Variants in PAQR5 observed in about 807,000 individuals in gnomAD.
PAQR5 encodes progestin and adipoQ receptor family member 5, also known as membrane progestin receptor gamma.
PAQR5 carries 20 observed loss-of-function variants against 34.5 expected under a neutral mutation model. That is an observed-to-expected ratio of 0.58 (90% CI 0.41 to 0.84). The LOEUF is 0.84. Ranked by LOEUF, PAQR5 falls within the 40% of genes least tolerant of loss-of-function variation. PAQR5 has a pLI of 0.00. For missense variants in PAQR5, 378 were observed against 412.7 expected, an observed-to-expected ratio of 0.92 and a Z score of 0.73; for synonymous variants, 131 against 155.6, an observed-to-expected ratio of 0.84 and a Z score of 1.18.
rs190920875 is a variant in PAQR5 at position 69,376,880 on chromosome 15, G to C, written c.52-3003G>C. Among the ~76,000 whole-genome samples, 313 of 152,268 alleles carry C rather than the reference G, an allele frequency of 2.1e-3. 1 individual carries two copies. The highest frequency in any genetic ancestry group is 7.2e-3 in the African/African-American group (301 of 41,556). The stretch of plus-strand genomic sequence containing the variant: ...CCTAGTTTTGCCTGCCAGAATGCCA[G>C]GATCCACAGAGAGAAGGGAAGTAGT... On this transcript the variant is annotated intron_variant, in intron 3 of 8. Coordinates refer to ENST00000395407, the MANE Select transcript of PAQR5 (RefSeq NM_017705.4).
At chr15:69,382,365 G>A (rs2055907969) in intron 4 of PAQR5, among the ~76,000 whole-genome samples, 1 of 152,026 alleles carries the variant, frequency 6.6e-6, no homozygotes, top group South Asian at 2.1e-4. Context: ...TTTGACAGGC[G>A]GCCGGGCGCA....
At chr15:69,366,905 C>T (rs761798177) in intron 3 of PAQR5, among the ~76,000 whole-genome samples, 4 of 151,494 alleles carry the variant, frequency 2.6e-5, no homozygotes, top group African/African-American at 7.3e-5. Context: ...TCTATCTTCC[C>T]GATGTTGCAA....
At chr15:69,351,769 G>A (rs777034039) in intron 2 of PAQR5, among the ~76,000 whole-genome samples, 6 of 152,274 alleles carry the variant, frequency 3.9e-5, no homozygotes, top group Non-Finnish European at 7.4e-5. Flanking sequence ...AAATTCAGGG[G>A]CCTTCTACCT....
intron 1 of PAQR5, among the ~76,000 whole-genome samples, chr15:69,333,391 T>C (rs1160697467): frequency 6.6e-6 from 1 of 152,204 alleles, no homozygotes; most frequent in African/African-American, 2.4e-5. Flanking sequence ...GAGAGAGCTT[T>C]GGTGTGTAAT....
chr15:69,360,230 C>A, intron 3 of PAQR5, 99 bp downstream of exon 3: 2 of 807,398 alleles, frequency 2.5e-6, no homozygotes, highest in Non-Finnish European at 4.1e-6. Flanking sequence ...CTGTTCTGTA[C>A]AGGCCCATTC....
At chr15:69,397,304 G>A (rs1223319900) in intron 6 of PAQR5, 164 bp from the exon 7 acceptor site, 1 of 707,508 alleles carries the variant, frequency 1.4e-6, no homozygotes, top group East Asian at 2.7e-5. Context: ...ATTGGGGTGG[G>A]AGGAATGGAC....
intron 3 of PAQR5, among the ~76,000 whole-genome samples, chr15:69,365,635 G>A (rs958428475): frequency 6.6e-6 from 1 of 152,102 alleles, no homozygotes; most frequent in African/African-American, 2.4e-5. Context: ...TAATGAGTTG[G>A]CCTATAATGT....
At chr15:69,359,381 G>A (rs565496081) in intron 2 of PAQR5, among the ~76,000 whole-genome samples, 1 of 152,266 alleles carries the variant, frequency 6.6e-6, no homozygotes, top group African/African-American at 2.4e-5. Context: ...TTTGGCCGGG[G>A]GGCATCAGCA....
chr15:69,300,954 T>TCTTTCTTTCTTC lies in PAQR5; in HGVS notation c.-277+1909_-277+1910insCCTTTCTTTCTT, dbSNP rs1319717695. On this transcript the variant is annotated intron_variant, in intron 1 of 8. Transcript: ENST00000395407. ...CTCTCTCTCTCTTTCTTTCCTTCTTTCTTTCTTTCTTTCTTTCTTTCTTTC... is the reference window on the plus strand; with the variant it reads ...CTCTCTCTCTCTTTCTTTCCTTCTTTCTTTCTTTCTTCCTTTCTTTCTTTCTTTCTTTCTTTC... Among the ~76,000 whole-genome samples, 4 of 33,326 alleles carry TCTTTCTTTCTTC rather than the reference T, an allele frequency of 1.2e-4. 1 individual carries two copies. The highest frequency in any genetic ancestry group is 2.8e-4 in the African/African-American group (3 of 10,838). 21.9% of individuals were successfully genotyped at this position (33,326 alleles called of 152,430 possible). A position where few individuals can be genotyped will look rare whatever the true frequency, so the allele number is the denominator to read the frequency against.
intron 3 of PAQR5, among the ~76,000 whole-genome samples, chr15:69,371,627 G>A (rs183178972): frequency 2.8e-4 from 42 of 152,260 alleles, no homozygotes; most frequent in Admixed American, 1.9e-3. Context: ...TGATTTGTAC[G>A]TGAATCTTCT....
At chr15:69,380,163 G>T (rs981016779) in intron 4 of PAQR5, 153 bp downstream of exon 4, 6 of 770,050 alleles carry the variant, frequency 7.8e-6, no homozygotes, top group Admixed American at 4.7e-5. Flanking sequence ...GTGTGTGACA[G>T]AGGGAAGAGA....
At chr15:69,343,835 A>G (rs370250969) in intron 2 of PAQR5, among the ~76,000 whole-genome samples, 1 of 152,276 alleles carries the variant, frequency 6.6e-6, no homozygotes, top group African/African-American at 2.4e-5. Context: ...GGTACCTGAG[A>G]ACTAGAAGGA....
At chr15:69,401,791 T>A (rs1384469249) in intron 8 of PAQR5, among the ~76,000 whole-genome samples, 1 of 152,218 alleles carries the variant, frequency 6.6e-6, no homozygotes, top group Non-Finnish European at 1.5e-5. Context: ...TCCTGCTCAA[T>A]CTTCCTAACT....
At chr15:69,317,274 G>A (rs924677840) in intron 1 of PAQR5, among the ~76,000 whole-genome samples, 1 of 152,212 alleles carries the variant, frequency 6.6e-6, no homozygotes, top group Non-Finnish European at 1.5e-5. Context: ...ATACACACCA[G>A]GGGGAGTGGT....
chr15:69,379,692 G>C (rs1190134723), intron 3 of PAQR5, 191 bp from the exon 4 acceptor site: 1 of 801,900 alleles, frequency 1.2e-6, no homozygotes, highest in African/African-American at 1.9e-5. Context: ...CTAGCTGGAG[G>C]CTTCTTGGAG....
intron 1 of PAQR5, among the ~76,000 whole-genome samples, chr15:69,326,880 A>C (rs1486719372): frequency 7.2e-6 from 1 of 139,634 alleles, no homozygotes; most frequent in Non-Finnish European, 1.6e-5. Flanking sequence ...ACATGGATGC[A>C]TTGTTATTAA....
rs1398972325 is a variant in PAQR5, at chr15:69,387,195, ACTG to A, written c.385+2316_385+2318del. On this transcript the variant is annotated intron_variant, in intron 5 of 8. Transcript: ENST00000395407. The stretch of plus-strand genomic sequence containing the variant: ...CCCTCATCAGCCAGAAGCAGTCCAG[ACTG>A]CTTAGCGGGGCGACTTCCTTGGCCC... Among the ~76,000 whole-genome samples, 6 of 152,190 alleles carry A rather than the reference ACTG, an allele frequency of 3.9e-5. No homozygotes were observed. In the East Asian group the frequency reaches 1.2e-3, roughly 29 times the overall value.
intron 6 of PAQR5, among the ~76,000 whole-genome samples, chr15:69,394,119 GT>G (rs542547437): frequency 2.7e-4 from 38 of 140,314 alleles, no homozygotes; most frequent in Middle Eastern, 3.6e-3. Flanking sequence ...TTTGTTTTTT[GT>G]TTTTTTTTTT....
Position 69,339,175 on chromosome 15 carries a change from C to CCG in PAQR5, c.-116+1675_-116+1676insGC, listed in dbSNP as rs1555415768. ...ACTCCTGGCCCACTGGCTACACCCC[C>CCG]CACCCCGCCACCAAGTTATCCTTAA... On this transcript the variant is annotated intron_variant, in intron 2 of 8. Coordinates refer to ENST00000395407, the MANE Select transcript of PAQR5 (RefSeq NM_017705.4). Among the ~76,000 whole-genome samples the CCG allele has an allele frequency of 1.4e-5, 2 of 146,186 alleles. 1 individual carries two copies. Among genetic ancestry groups the CCG allele is most frequent in the Non-Finnish European group, 3.1e-5 (2 of 64,870 alleles).
Sources: allele counts gnomAD v4.1 joint callset (sites outside exome capture counted in the v4.1 genomes callset), GRCh38; gene constraint gnomAD v4.1.1; transcripts MANE v1.5; gene names NCBI Gene and HGNC (gene_info 2026-07-23, HGNC 2026-07-21).